C1QTNF3: variants seen among roughly 807,000 people sequenced by gnomAD.
C1QTNF3 encodes complement C1q tumor necrosis factor-related protein 3.
In C1QTNF3, 26 loss-of-function variants were observed where a neutral mutation model predicts 32.6. That is an observed-to-expected ratio of 0.80 (90% CI 0.58 to 1.11). C1QTNF3 has a LOEUF of 1.11. C1QTNF3 is among the 50% of genes least tolerant of loss of function. The pLI is 0.00. For missense variants in C1QTNF3, 362 were observed against 398.2 expected, an observed-to-expected ratio of 0.91 and a Z score of 0.77; for synonymous variants, 155 against 146.0, an observed-to-expected ratio of 1.06 and a Z score of -0.44.
chr5:34,145,320 A>G, the C1QTNF3 span, among the ~76,000 whole-genome samples: 3 of 152,074 alleles, frequency 2.0e-5, no homozygotes, highest in African/African-American at 7.2e-5. Flanking sequence ...AGAAAATATT[A>G]CAAATGATTT....
the C1QTNF3 span, among the ~76,000 whole-genome samples, chr5:34,112,619 T>C: frequency 6.6e-6 from 1 of 152,126 alleles, no homozygotes; most frequent in African/African-American, 2.4e-5. Context: ...CAGTGAGGTA[T>C]GATCATGCCA....
At chr5:34,027,215 A>G (rs1363677646) in intron 4 of C1QTNF3, among the ~76,000 whole-genome samples, 2 of 152,226 alleles carry the variant, frequency 1.3e-5, no homozygotes, top group Non-Finnish European at 2.9e-5. Flanking sequence ...CTATCCAGAA[A>G]CTTGAAAGCA....
At chr5:34,121,007 T>A in the C1QTNF3 span, among the ~76,000 whole-genome samples, 2 of 152,158 alleles carry the variant, frequency 1.3e-5, no homozygotes, top group African/African-American at 4.8e-5. Flanking sequence ...AATAATTTTA[T>A]AAATGTTTAA....
At chr5:34,212,950 G>T in the C1QTNF3 span, among the ~76,000 whole-genome samples, 1 of 151,950 alleles carries the variant, frequency 6.6e-6, no homozygotes, top group Non-Finnish European at 1.5e-5. Flanking sequence ...AAAGACACAT[G>T]CACACGTATG....
chr5:34,121,447 C>G, the C1QTNF3 span, among the ~76,000 whole-genome samples: 1 of 152,002 alleles, frequency 6.6e-6, no homozygotes, highest in Non-Finnish European at 1.5e-5. Context: ...TACATGGCGG[C>G]GGCAAGAGAA....
the C1QTNF3 span, among the ~76,000 whole-genome samples, chr5:34,232,852 A>AT: frequency 2.0e-5 from 3 of 151,892 alleles, no homozygotes; most frequent in South Asian, 2.1e-4. Flanking sequence ...TCAGGCACAT[A>AT]TTTTTTTAAT....
the C1QTNF3 span, among the ~76,000 whole-genome samples, chr5:34,154,359 C>CT: frequency 6.6e-6 from 1 of 151,918 alleles, no homozygotes; most frequent in Middle Eastern, 3.2e-3. Context: ...GGCATTCGTC[C>CT]TTTTTTAATG....
the C1QTNF3 span, among the ~76,000 whole-genome samples, chr5:34,135,172 A>G: frequency 1.3e-5 from 2 of 152,180 alleles, no homozygotes; most frequent in Non-Finnish European, 2.9e-5. Flanking sequence ...ATCTGTTGAG[A>G]TAATCGTGGT....
chr5:34,123,230 C>T, the C1QTNF3 span, among the ~76,000 whole-genome samples: 8 of 152,238 alleles, frequency 5.3e-5, no homozygotes, highest in African/African-American at 1.9e-4. Flanking sequence ...GGGGGCAAGG[C>T]TGCCTCCATG....
the C1QTNF3 span, among the ~76,000 whole-genome samples, chr5:34,125,587 C>G: frequency 6.6e-6 from 1 of 151,568 alleles, no homozygotes; most frequent in Non-Finnish European, 1.5e-5. Context: ...TGCATGTGAC[C>G]TACTGTGTTC....
the C1QTNF3 span, among the ~76,000 whole-genome samples, chr5:34,066,378 T>C: frequency 6.6e-6 from 1 of 152,226 alleles, no homozygotes; most frequent in Non-Finnish European, 1.5e-5. Flanking sequence ...AATGATCTGT[T>C]TTTTTGAAAA....
chr5:34,195,060 T>C, the C1QTNF3 span, among the ~76,000 whole-genome samples: 16 of 150,898 alleles, frequency 1.1e-4, no homozygotes, highest in Middle Eastern at 6.9e-3. Context: ...AGGATGAGTA[T>C]AGTTAACAAT....
At chr5:34,063,594 C>T in the C1QTNF3 span, among the ~76,000 whole-genome samples, 1 of 152,100 alleles carries the variant, frequency 6.6e-6, no homozygotes, top group African/African-American at 2.4e-5. Flanking sequence ...ATCTTCCTAG[C>T]CATTTACAAA....
At chr5:34,172,224 G>T in the C1QTNF3 span, among the ~76,000 whole-genome samples, 1 of 151,178 alleles carries the variant, frequency 6.6e-6, no homozygotes, top group Non-Finnish European at 1.5e-5. Context: ...ACATAGCTAT[G>T]GTAAAGTTTA....
the C1QTNF3 span, chr5:34,169,091 T>G: frequency 6.6e-6 from 1 of 152,190 alleles, no homozygotes; most frequent in East Asian, 1.9e-4. Flanking sequence ...AGCAACAAAG[T>G]ACTCTCTTAG....
Position 34,033,296 on chromosome 5 carries a change from T to C in C1QTNF3, c.570+8A>G. On this transcript the variant is annotated splice_region_variant and intron_variant, in intron 3 of 5. Coordinates refer to ENST00000382065, the MANE Select transcript of C1QTNF3 (RefSeq NM_181435.6). ...AAGCCACCAGGAGATGTACCGAGGA[T>C]GGTTTACCTGAAGTTCTGGTGGAAT... 6.2e-7 allele frequency: 1 copy of C among 1,613,498 alleles called. No individual in the cohort carries two copies. Among genetic ancestry groups the C allele is most frequent in the Non-Finnish European group, 8.5e-7 (1 of 1,179,812 alleles).
At chr5:34,208,349 A>G in the C1QTNF3 span, among the ~76,000 whole-genome samples, 20 of 152,238 alleles carry the variant, frequency 1.3e-4, no homozygotes, top group Non-Finnish European at 2.5e-4. Flanking sequence ...CTCTCTTATA[A>G]TTGTGCTTAA....
At chr5:34,123,748 T>A in the C1QTNF3 span, among the ~76,000 whole-genome samples, 1 of 152,126 alleles carries the variant, frequency 6.6e-6, no homozygotes, top group Non-Finnish European at 1.5e-5. Flanking sequence ...AATGCTGCAA[T>A]TTTTTTCATA....
chr5:34,121,107 G>T, the C1QTNF3 span, among the ~76,000 whole-genome samples: 1 of 152,092 alleles, frequency 6.6e-6, no homozygotes, highest in Admixed American at 6.5e-5. Flanking sequence ...CTTTAGGAAG[G>T]CTTTGAAAAT....
Sources: allele counts gnomAD v4.1 joint callset (sites outside exome capture counted in the v4.1 genomes callset), GRCh38; gene constraint gnomAD v4.1.1; transcripts MANE v1.5; gene names NCBI Gene and HGNC (gene_info 2026-07-23, HGNC 2026-07-21).